Variants in MICAL3 observed in about 807,000 individuals in gnomAD.
MICAL3 encodes the protein [F-actin]-monooxygenase MICAL3.
In MICAL3, 62 loss-of-function variants were observed where a neutral mutation model predicts 207.4. The ratio of observed to expected loss-of-function variants is 0.30; its 90% confidence interval spans 0.24 to 0.37. MICAL3 has a LOEUF of 0.37. MICAL3 is among the 10% of genes least tolerant of loss of function. MICAL3 has a pLI of 1.00. For synonymous variants in MICAL3, 1,077 were observed against 1,069.3 expected (o/e 1.01, Z -0.14); for missense variants, 2,368 against 2,635.6 (o/e 0.90, Z 2.22).
At chr22:17,916,170 C>G (rs986069968) in intron 1 of MICAL3, among the ~76,000 whole-genome samples, 5 of 151,868 alleles carry the variant, frequency 3.3e-5, no homozygotes, top group Non-Finnish European at 2.9e-5. Context: ...TCTCGGCATT[C>G]TTCCGCAAGT....
intron 19 of MICAL3, among the ~76,000 whole-genome samples, chr22:17,850,036 A>G (rs2146097508): frequency 6.6e-6 from 1 of 152,188 alleles, no homozygotes; most frequent in African/African-American, 2.4e-5. Context: ...ACTATTCTTC[A>G]TTTGGGGTAA....
chr22:17,826,740 C>T (rs79200414), intron 22 of MICAL3, among the ~76,000 whole-genome samples: 328 of 152,302 alleles, frequency 2.2e-3, no homozygotes, highest in African/African-American at 7.4e-3. Context: ...GGGCCACCGC[C>T]GGCCCAGGGC....
At chr22:17,941,295 T>A (rs184302061) in intron 1 of MICAL3, among the ~76,000 whole-genome samples, 19 of 152,336 alleles carry the variant, frequency 1.2e-4, no homozygotes, top group Non-Finnish European at 1.0e-4. Flanking sequence ...GGCACCGATG[T>A]CAGCCAAGTT....
At position 17,900,075 on chromosome 22, in the gene MICAL3, T is replaced by C. The variant is rs978459709; in HGVS notation, c.848-527A>G. On this transcript the variant is annotated intron_variant, in intron 6 of 31. Transcript: ENST00000441493. This position sits in a 1 kb window ranked among gnomAD's most constrained non-coding sequence, Gnocchi z 4.0. The stretch of plus-strand genomic sequence containing the variant: ...TAGCAAAATATCTAAGTTGATCTAT[T>C]CAAAACCTATCATACAACAATCTCA... Among the ~76,000 whole-genome samples, 4 of 152,326 alleles carry C rather than the reference T, an allele frequency of 2.6e-5. No individual in the cohort carries two copies. Among genetic ancestry groups the C allele is most frequent in the Middle Eastern group, 3.4e-3 (1 of 294 alleles).
intron 27 of MICAL3, chr22:17,815,365 A>G (rs931831661): frequency 6.6e-6 from 1 of 152,260 alleles, no homozygotes; most frequent in African/African-American, 2.4e-5. Flanking sequence ...CCAAGCTGAC[A>G]CAATAGGTTG....
chr22:17,864,547 G>A (rs917380972), intron 19 of MICAL3: 22 of 1,442,000 alleles, frequency 1.5e-5, no homozygotes, highest in South Asian at 2.9e-5. Flanking sequence ...GAGCGCCTGC[G>A]AGCTCCTGTC....
chr22:17,876,826 TTATGGAGGTTAGGGAGGTTAG>T (rs1928499312), intron 16 of MICAL3: 1 of 131,486 alleles, frequency 7.6e-6, no homozygotes, highest in South Asian at 2.3e-4. Flanking sequence ...GTTAGGGAGG[TTATGGAGGTTAGGGAGGTTAG>T]GGAGGTTATG....
chr22:17,805,726 C>G (rs1201580420), intron 29 of MICAL3, among the ~76,000 whole-genome samples: 1 of 152,174 alleles, frequency 6.6e-6, no homozygotes, highest in Admixed American at 6.5e-5. Flanking sequence ...GACACACCAC[C>G]TTCAAATGTT....
At chr22:17,851,463 C>A (rs543367457) in intron 19 of MICAL3, among the ~76,000 whole-genome samples, 1 of 152,322 alleles carries the variant, frequency 6.6e-6, no homozygotes, top group Non-Finnish European at 1.5e-5. Context: ...TTATTCTCAT[C>A]ATCTTTGTGT....
intron 16 of MICAL3, among the ~76,000 whole-genome samples, chr22:17,877,159 T>G: frequency 7.5e-6 from 1 of 132,902 alleles, no homozygotes; most frequent in Non-Finnish European, 1.6e-5. Context: ...GTTAGGGAGG[T>G]TATGGAGGTT....
intron 22 of MICAL3, among the ~76,000 whole-genome samples, chr22:17,825,679 C>T (rs565890601): frequency 7.2e-5 from 11 of 152,224 alleles, no homozygotes; most frequent in Non-Finnish European, 1.6e-4. Context: ...GGCGATAACA[C>T]TGCCCTTCCT....
At chr22:17,893,769 G>A (rs1402624116) in intron 11 of MICAL3, 39 bp downstream of exon 11, 3 of 1,420,652 alleles carry the variant, frequency 2.1e-6, no homozygotes, top group East Asian at 2.5e-5. Context: ...TTCTCTGAAG[G>A]GGCTGCCTGC....
intron 2 of MICAL3, among the ~76,000 whole-genome samples, chr22:17,906,197 C>G (rs1931705291): frequency 6.6e-6 from 1 of 152,232 alleles, no homozygotes; most frequent in African/African-American, 2.4e-5. Flanking sequence ...ATACTTGAAA[C>G]TTTGAACGCT....
At chr22:17,904,931 C>G in intron 2 of MICAL3, 92 bp from the exon 3 acceptor site, 1 of 966,846 alleles carries the variant, frequency 1.0e-6, no homozygotes, top group South Asian at 1.4e-5. Context: ...CTCCCTAAAG[C>G]CCCGAAATAG....
intron 1 of MICAL3, among the ~76,000 whole-genome samples, chr22:18,016,931 C>T (rs535737838): frequency 2.0e-5 from 3 of 146,868 alleles, no homozygotes; most frequent in Non-Finnish European, 3.0e-5. Context: ...CAGAGCCAGA[C>T]TCTGTCTCAA....
chr22:17,896,686 T>G (rs757739082), intron 8 of MICAL3, 38 bp downstream of exon 8: 2 of 1,598,916 alleles, frequency 1.3e-6, no homozygotes, highest in Non-Finnish European at 1.7e-6. Context: ...TAATTATTCC[T>G]GCCCCTACCA....
chr22:17,817,146 G>A (rs1267936878), intron 26 of MICAL3, among the ~76,000 whole-genome samples, 165 bp downstream of exon 26: 1 of 152,328 alleles, frequency 6.6e-6, no homozygotes, highest in South Asian at 2.1e-4. Context: ...TACTAAGCTG[G>A]CTATGCCCTG....
chr22:17,815,377 A>T (rs2062093585), intron 27 of MICAL3: 1 of 152,274 alleles, frequency 6.6e-6, no homozygotes, highest in Non-Finnish European at 1.5e-5. Flanking sequence ...AATAGGTTGA[A>T]TGTCCACACT....
rs2061811248 is a variant in MICAL3, at chr22:17,789,828, A to C, written c.*904T>G. The C allele has an allele frequency of 6.6e-6, 1 of 152,224 alleles. No homozygotes were observed. Among genetic ancestry groups the C allele is most frequent in the Admixed American group, 6.5e-5 (1 of 15,286 alleles). 9.4% of individuals were successfully genotyped at this position (152,224 alleles called of 1,614,324 possible). On this transcript the variant is annotated 3_prime_UTR_variant, in exon 32 of 32. Transcript: ENST00000441493. ...TTTTCAAGTATTAAAAAATAAGTTA[A>C]TTGACAAAAAGGGTTTGAAGCGGCT...
Sources: gnomAD v4.1 joint callset for allele counts (sites outside exome capture counted in the v4.1 genomes callset) on GRCh38, gnomAD v4.1.1 for gene constraint, Gnocchi (gnomAD v3.1) non-coding constraint, MANE v1.5 for transcripts, NCBI Gene and HGNC (gene_info 2026-07-23, HGNC 2026-07-21) for gene names.